PACRG: variants seen among roughly 807,000 people sequenced by gnomAD.
PACRG encodes parkin coregulated gene protein.
Under a neutral mutation model 29.7 loss-of-function variants are expected in PACRG, and 29 were observed. The ratio of observed to expected loss-of-function variants is 0.98; its 90% CI spans 0.73 to 1.33. PACRG has a LOEUF of 1.33. Among genes scored for constraint, PACRG ranks in the 40% most tolerant of loss-of-function variants. The pLI, the probability that PACRG is intolerant of heterozygous loss-of-function variation, is 0.00. For missense variants in PACRG, 279 were observed against 316.2 expected (o/e 0.88, Z 0.89); for synonymous variants, 116 against 118.7 (o/e 0.98, Z 0.15).
intron 2 of PACRG, among the ~76,000 whole-genome samples, chr6:162,888,081 T>C (rs893520045): frequency 2.0e-5 from 3 of 152,080 alleles, no homozygotes; most frequent in Non-Finnish European, 4.4e-5. Context: ...TGTCCTCATA[T>C]GCTGGTGAGC....
At chr6:163,021,353 T>C (rs1162417671) in intron 2 of PACRG, among the ~76,000 whole-genome samples, 2 of 152,240 alleles carry the variant, frequency 1.3e-5, no homozygotes, top group Non-Finnish European at 2.9e-5. Context: ...GGAGTTGTCC[T>C]TGGCCGTGGA....
intron 2 of PACRG, among the ~76,000 whole-genome samples, chr6:162,950,291 A>G (rs1252874728): frequency 3.3e-5 from 5 of 152,036 alleles, no homozygotes; most frequent in African/African-American, 1.2e-4. Context: ...AGGTCAGGAG[A>G]TCGAGACCAT....
At chr6:162,771,625 A>G (rs974204210) in intron 1 of PACRG, among the ~76,000 whole-genome samples, 1 of 152,132 alleles carries the variant, frequency 6.6e-6, no homozygotes, top group Non-Finnish European at 1.5e-5. Context: ...AAAATTAACC[A>G]TCAATATCAA....
chr6:162,727,186 A>G (rs1168516610), upstream of PACRG: 4 of 156,978 alleles, frequency 2.5e-5, no homozygotes, highest in Middle Eastern at 3.1e-3. Flanking sequence ...GGTGCCTTCC[A>G]TTAGAGTTTA....
intron 2 of PACRG, among the ~76,000 whole-genome samples, chr6:162,917,961 C>A (rs1274925443): frequency 1.3e-5 from 2 of 152,156 alleles, no homozygotes; most frequent in Non-Finnish European, 2.9e-5. Context: ...TTACAAGGTG[C>A]AAACTGTGTG....
intron 2 of PACRG, among the ~76,000 whole-genome samples, chr6:163,019,469 A>T (rs1806404227): frequency 6.6e-6 from 1 of 151,956 alleles, no homozygotes; most frequent in Non-Finnish European, 1.5e-5. Context: ...TCCTCAGTGG[A>T]GAGATTTGTA....
chr6:163,081,365 T>G (rs552124504), intron 3 of PACRG, among the ~76,000 whole-genome samples: 1 of 152,328 alleles, frequency 6.6e-6, no homozygotes, highest in Admixed American at 6.5e-5. Context: ...CTTTGCTTAA[T>G]GGCTACAGAG....
chr6:163,298,668 G>A (rs1016023102), intron 4 of PACRG, among the ~76,000 whole-genome samples: 21 of 152,294 alleles, frequency 1.4e-4, no homozygotes, highest in African/African-American at 5.1e-4. Context: ...AAGAACAGCT[G>A]AGTAACTTGT....
chr6:162,806,789 GCTGCGTTAGCCCCTAACAAGAGAGTCAGC>G (rs1375916667), intron 1 of PACRG, among the ~76,000 whole-genome samples: 1 of 152,160 alleles, frequency 6.6e-6, no homozygotes, highest in African/African-American at 2.4e-5. Context: ...AGAGTCACCA[GCTGCGTTAGCCCCTAACAAGAGAGTCAGC>G]CTGTCTTTTG....
intron 4 of PACRG, among the ~76,000 whole-genome samples, chr6:163,162,599 C>T (rs1350879182): frequency 3.3e-5 from 5 of 152,234 alleles, no homozygotes; most frequent in African/African-American, 9.7e-5. Context: ...AAGAAAGACC[C>T]CAGTTCACAC....
chr6:163,157,967 G>T (rs1778390553), intron 4 of PACRG, among the ~76,000 whole-genome samples: 1 of 152,162 alleles, frequency 6.6e-6, no homozygotes, highest in South Asian at 2.1e-4. Context: ...AGGACCTAAA[G>T]AATCCATAGA....
intron 4 of PACRG, among the ~76,000 whole-genome samples, chr6:163,292,144 C>G (rs1163474666): frequency 2.0e-5 from 3 of 152,092 alleles, no homozygotes; most frequent in African/African-American, 4.8e-5. Flanking sequence ...AATTTGGAGA[C>G]AGACCATAAG....
intron 4 of PACRG, chr6:163,182,920 A>G (rs1402233183): frequency 6.6e-6 from 1 of 152,238 alleles, no homozygotes; most frequent in Non-Finnish European, 1.5e-5. Flanking sequence ...TGTGAGTCCC[A>G]AGAGGAAGAG....
chr6:163,056,882 G>A (rs1810637238), intron 2 of PACRG, among the ~76,000 whole-genome samples: 1 of 152,108 alleles, frequency 6.6e-6, no homozygotes, highest in Admixed American at 6.5e-5. Flanking sequence ...GAGCCTTAGA[G>A]AGAGCGCTTG....
intron 4 of PACRG, among the ~76,000 whole-genome samples, chr6:163,103,545 T>C (rs1815216584): frequency 6.6e-6 from 1 of 152,210 alleles, no homozygotes; most frequent in Admixed American, 6.5e-5. Flanking sequence ...GGCATGGAAC[T>C]ATGTGGAATA....
chr6:162,749,206 A>C (rs1163945834), intron 1 of PACRG, among the ~76,000 whole-genome samples: 1 of 152,208 alleles, frequency 6.6e-6, no homozygotes. Flanking sequence ...ATGATTGTTA[A>C]AAACAAGTAC....
intron 2 of PACRG, among the ~76,000 whole-genome samples, chr6:162,833,660 T>C (rs766173151): frequency 1.3e-5 from 2 of 152,194 alleles, no homozygotes. Flanking sequence ...AAGTGTCTTC[T>C]TTTGAGAATT....
intron 3 of PACRG, among the ~76,000 whole-genome samples, chr6:163,088,486 C>A (rs1188761980): frequency 6.6e-6 from 1 of 152,156 alleles, no homozygotes; most frequent in African/African-American, 2.4e-5. Flanking sequence ...AGTTGGCCAA[C>A]CTCGCACAGC....
chr6:163,282,093 T>C (rs116088517), intron 4 of PACRG, among the ~76,000 whole-genome samples: 1,697 of 152,314 alleles, frequency 0.011, 34 homozygotes, highest in African/African-American at 0.039. Flanking sequence ...TTCTTTTCCT[T>C]ATTGAATAAA....
Sources: gnomAD v4.1 joint callset for allele counts (sites outside exome capture counted in the v4.1 genomes callset) on GRCh38, gnomAD v4.1.1 for gene constraint, MANE v1.5 for transcripts, NCBI Gene and HGNC (gene_info 2026-07-23, HGNC 2026-07-21) for gene names.